The following ASS1 variants were observed in gnomAD, a reference collection of about 807,000 sequenced individuals.
The protein encoded by ASS1 is argininosuccinate synthase.
Under a neutral mutation model 60.5 loss-of-function variants are expected in ASS1, and 58 were observed. That is an observed-to-expected ratio of 0.96 (90% confidence interval 0.78 to 1.19). The LOEUF (loss-of-function observed/expected upper bound fraction) is 1.19. Among genes scored for constraint, ASS1 ranks in the 50% most tolerant of loss-of-function variants. The pLI is 0.00. For synonymous variants in ASS1, 200 were observed against 206.9 expected, an observed-to-expected ratio of 0.97 and a Z score of 0.29; for missense variants, 454 against 547.3, an observed-to-expected ratio of 0.83 and a Z score of 1.70.
intron 13 of ASS1, 32 bp from the exon 14 acceptor site, chr9:130,499,473 G>A (rs1457182062): frequency 1.2e-6 from 2 of 1,609,202 alleles, no homozygotes; most frequent in African/African-American, 2.7e-5. Context: ...CCAGGGCCAG[G>A]CTGAGCTGAC....
rs934383981 is a variant in ASS1, at chr9:130,445,009, G to A, written c.-6+14G>A. On this transcript the variant is annotated intron_variant, in intron 1 of 14. Transcript: ENST00000352480. ...TGCCCGAGCCCGGTAAGGAGCCCTC[G>A]GCCCCTCTCGCTGCCCACTCCCTAG... is the stretch of plus-strand genomic sequence containing the variant. 1 of 286,134 alleles carries A rather than the reference G, an allele frequency of 3.5e-6. No individual in the cohort carries two copies. The highest frequency in any genetic ancestry group is 5.2e-6 in the Non-Finnish European group (1 of 190,710). 17.7% of individuals were successfully genotyped at this position (286,134 alleles called of 1,614,324 possible). A position where few individuals can be genotyped will look rare whatever the true frequency, so the allele number is the denominator to read the frequency against.
At chr9:130,473,199 G>A (rs576426192) in intron 8 of ASS1, among the ~76,000 whole-genome samples, 12 of 152,256 alleles carry the variant, frequency 7.9e-5, no homozygotes, top group Admixed American at 5.2e-4. Flanking sequence ...TCTTCTTATT[G>A]CTGTGCAACC....
chr9:130,448,983 T>G (rs990863607), intron 1 of ASS1, among the ~76,000 whole-genome samples: 4 of 152,208 alleles, frequency 2.6e-5, no homozygotes, highest in Non-Finnish European at 4.4e-5. Context: ...CACAGGCATC[T>G]GGGAGATGGT....
chr9:130,500,881 G>T (rs1046850006), intron 14 of ASS1, 95 bp from the exon 15 acceptor site: 22 of 1,380,938 alleles, frequency 1.6e-5, no homozygotes, highest in Non-Finnish European at 2.1e-5. Flanking sequence ...ACAAACAGCT[G>T]CCCCAGCCAC....
At chr9:130,495,470 T>TACACACACACAC (rs777921061) in intron 13 of ASS1, among the ~76,000 whole-genome samples, 1,837 of 130,532 alleles carry the variant, frequency 0.014, 24 homozygotes, top group South Asian at 0.021. Context: ...TACACATACA[T>TACACACACACAC]ATACACACAC....
rs1218264616 is a variant in ASS1, at chr9:130,476,131, A to G, written c.598-740A>G. ...CAGCAGGTGAACAAGGACCCCAGGC[A>G]CAGGATGCCCACAGGAGGGACCTGA... On this transcript the variant is annotated intron_variant, in intron 8 of 14. Transcript: ENST00000352480. The surrounding 1 kb of genome is among the most constrained non-coding windows in gnomAD (Gnocchi z 4.9). 1.3e-5 allele frequency among the ~76,000 whole-genome samples: 2 copies of G among 152,160 alleles called. No individual in the cohort carries two copies. Among genetic ancestry groups the G allele is most frequent in the Non-Finnish European group, 2.9e-5 (2 of 68,016 alleles).
At chr9:130,496,869 T>C (rs1427762255) in intron 13 of ASS1, among the ~76,000 whole-genome samples, 1 of 152,232 alleles carries the variant, frequency 6.6e-6, no homozygotes, top group Non-Finnish European at 1.5e-5. Flanking sequence ...CCACTAGACG[T>C]GGGTCCCCTA....
At chr9:130,450,341 C>G in intron 1 of ASS1, 2 of 987,342 alleles carry the variant, frequency 2.0e-6, no homozygotes, top group Non-Finnish European at 2.4e-6. Context: ...CAGGTACTGC[C>G]CACCTTAAGT....
rs114084616 is a variant in ASS1 at position 130,451,924 on chromosome 9, G to A, written c.-5-300G>A. ...TGGGCCAAACTGCTCAGCCTCAGCC[G>A]CCTTCCCTCGATGCTGGAGGATCAG... On this transcript the variant is annotated intron_variant, in intron 1 of 14. Coordinates refer to ENST00000352480, the MANE Select transcript of ASS1 (RefSeq NM_054012.4). The A allele has an allele frequency of 2.6e-3, 1,450 of 563,280 alleles. 22 individuals carry two copies. Among genetic ancestry groups the A allele is most frequent in the African/African-American group, 0.024 (1,279 of 53,932 alleles). The allele number at this position is 563,280 out of a possible 1,614,324, so 34.9% of individuals were successfully genotyped here.
rs2131879687 is a variant in ASS1, at chr9:130,464,120, C to T, written c.373C>T (p.Gln125Ter). ...SHGATGKGND[Q>*]VRFELSCYSL... ...CTGTTCTGCATTGCAGGGGAACGAT[C>T]AGGTCCGGTTTGAGCTCAGCTGCTA... Residue 125 changes from glutamine to a stop codon, truncating the protein, a stop_gained, in exon 5 of 15, where the codon CAG becomes TAG. Coordinates refer to ENST00000352480, the MANE Select transcript of ASS1 (RefSeq NM_054012.4). LOFTEE classifies it high-confidence loss of function. 6.2e-7 allele frequency: 1 copy of T among 1,614,076 alleles called. No individual in the cohort carries two copies. The highest frequency in any genetic ancestry group is 1.3e-5 in the African/African-American group (1 of 75,002).
chr9:130,479,596 A>T, intron 9 of ASS1, 120 bp from the exon 10 acceptor site: 2 of 816,958 alleles, frequency 2.4e-6, no homozygotes, highest in Middle Eastern at 3.1e-4. Flanking sequence ...AGTCATTTGG[A>T]GTCCATATCT....
intron 3 of ASS1, 95 bp downstream of exon 3, chr9:130,454,468 A>C: frequency 2.3e-6 from 3 of 1,287,088 alleles, no homozygotes; most frequent in Non-Finnish European, 3.3e-6. Flanking sequence ...CATCCCTTCC[A>C]GTGTGTCTTC....
At position 130,472,390 on chromosome 9, in the gene ASS1, G is replaced by A. The variant is rs373826722; in HGVS notation, c.597+875G>A. Among the ~76,000 whole-genome samples, 6 of 152,286 alleles carry A rather than the reference G, an allele frequency of 3.9e-5. No individual in the cohort carries two copies. In the South Asian group the frequency reaches 1.0e-3, roughly 26 times the overall value. The stretch of plus-strand genomic sequence containing the variant: ...TCTCACGCCCGCGTGCCGCCCCCTG[G>A]TCGGTGTTGGCTGTAATATCACATG... On this transcript the variant is annotated intron_variant, in intron 8 of 14. Transcript: ENST00000352480.
intron 8 of ASS1, among the ~76,000 whole-genome samples, chr9:130,472,550 C>G (rs946157575): frequency 1.3e-5 from 2 of 152,148 alleles, no homozygotes; most frequent in Non-Finnish European, 2.9e-5. Flanking sequence ...GGCGAGGGAA[C>G]GGGCCCTGGG....
At position 130,448,415 on chromosome 9, in the gene ASS1, T is replaced by TGCGCGC. The variant is rs745523284; in HGVS notation, c.-6+3423_-6+3428dup. ...GCACCCCTGGGTGCACACAGGTGTG[T>TGCGCGC]GCGCGCGCACACACACACACACACA... On this transcript the variant is annotated intron_variant, in intron 1 of 14. Transcript: ENST00000352480. 3.2e-3 allele frequency among the ~76,000 whole-genome samples: 429 copies of TGCGCGC among 135,656 alleles called. 3 individuals carry two copies. Among genetic ancestry groups the TGCGCGC allele is most frequent in the African/African-American group, 7.5e-3 (262 of 34,894 alleles). The allele number at this position is 135,656 out of a possible 152,430, so 89.0% of individuals were successfully genotyped here.
At chr9:130,482,603 A>T (rs1846200683) in intron 11 of ASS1, among the ~76,000 whole-genome samples, 1 of 152,078 alleles carries the variant, frequency 6.6e-6, no homozygotes, top group African/African-American at 2.4e-5. Context: ...AGCAGAGTTG[A>T]GCAAAAATGA....
At chr9:130,480,337 T>G (rs2118841294) in intron 10 of ASS1, 48 bp from the exon 11 acceptor site, 11 of 1,610,848 alleles carry the variant, frequency 6.8e-6, no homozygotes, top group Non-Finnish European at 9.3e-6. Flanking sequence ...TGGGTGACTC[T>G]GAGCCTTGCG....
In ASS1 at chr9:130,488,002, G is replaced by A. The variant is rs1009425879; in HGVS notation, c.839-1331G>A. Among the ~76,000 whole-genome samples, 2 of 152,062 alleles carry A rather than the reference G, an allele frequency of 1.3e-5. No homozygotes were observed. Among genetic ancestry groups the A allele is most frequent in the African/African-American group, 2.4e-5 (1 of 41,402 alleles). ...ACTCCTGACCTGAGGTGATCCACCT[G>A]CCTCGGCCTCCCAAAGTGCTAGAAT... On this transcript the variant is annotated intron_variant, in intron 11 of 14. Coordinates refer to ENST00000352480, the MANE Select transcript of ASS1 (RefSeq NM_054012.4). The surrounding 1 kb of genome is among the most constrained non-coding windows in gnomAD (Gnocchi z 5.2).
chr9:130,490,944 T>G (rs192456318), intron 12 of ASS1, among the ~76,000 whole-genome samples: 1 of 152,318 alleles, frequency 6.6e-6, no homozygotes, highest in East Asian at 1.9e-4. Context: ...TCCTCACATC[T>G]TCGGGGGCCT....
Sources: gnomAD v4.1 joint callset for allele counts (sites outside exome capture counted in the v4.1 genomes callset) on GRCh38, gnomAD v4.1.1 for gene constraint, Gnocchi (gnomAD v3.1) non-coding constraint, MANE v1.5 for transcripts, NCBI Gene and HGNC (gene_info 2026-07-23, HGNC 2026-07-21) for gene names.